SFI1: variants seen among roughly 807,000 people sequenced by gnomAD.
SFI1 encodes protein SFI1 homolog.
A neutral mutation model predicts 207.5 loss-of-function variants in SFI1; 195 were observed. The ratio of observed to expected loss-of-function variants is 0.94; its 90% CI spans 0.84 to 1.06. SFI1 has a LOEUF of 1.06. Among genes scored for constraint, SFI1 ranks in the 50% least tolerant of loss-of-function variants. SFI1 has a pLI of 0.00. For missense variants in SFI1, 1,634 were observed against 1,588.0 expected, an observed-to-expected ratio of 1.03 and a Z score of -0.49; for synonymous variants, 630 against 598.9, an observed-to-expected ratio of 1.05 and a Z score of -0.76.
At chr22:31,554,844 G>T (rs113830352) in intron 6 of SFI1, among the ~76,000 whole-genome samples, 2 of 152,018 alleles carry the variant, frequency 1.3e-5, no homozygotes, top group African/African-American at 4.8e-5. Flanking sequence ...TATATTACAC[G>T]AATTTTAATA....
intron 4 of SFI1, among the ~76,000 whole-genome samples, chr22:31,543,317 A>C (rs558508644): frequency 6.6e-6 from 1 of 152,166 alleles, no homozygotes; most frequent in Admixed American, 6.5e-5. Context: ...TTTTCACCTA[A>C]TCACTTTCTG....
chr22:31,571,697 A>G lies in SFI1; in HGVS notation c.766-1361A>G, dbSNP rs576728102. 4.6e-5 allele frequency among the ~76,000 whole-genome samples: 7 copies of G among 152,282 alleles called. No individual in the cohort carries two copies. The South Asian group carries it at 1.4e-3, about 32-fold the overall frequency. Reference sequence around the variant, plus strand: ...TTTGTCTGAGCTGCTCTAAAATTGTAGACACAAAGTTTATCTTAAAGTGTA... The same window carrying G: ...TTTGTCTGAGCTGCTCTAAAATTGTGGACACAAAGTTTATCTTAAAGTGTA... On this transcript the variant is annotated intron_variant, in intron 8 of 32. Transcript: ENST00000400288.
intron 4 of SFI1, among the ~76,000 whole-genome samples, chr22:31,543,863 T>C: frequency 6.7e-6 from 1 of 149,838 alleles, no homozygotes. Context: ...GAGTGACATG[T>C]TAGTAACCTG....
chr22:31,582,654 A>G (rs2064488658), intron 12 of SFI1, among the ~76,000 whole-genome samples: 2 of 152,072 alleles, frequency 1.3e-5, no homozygotes, highest in African/African-American at 4.8e-5. Context: ...ACATTGTGCA[A>G]TCATCATCAC....
Position 31,573,132 on chromosome 22 carries a change from T to A in SFI1, c.840T>A (p.His280Gln), listed in dbSNP as rs753148949. Reference protein sequence around the residue: ...EKQKVVSAVKHHQHWQKRRFL... With the variant: ...EKQKVVSAVKQHQHWQKRRFL... ...AAAAGGTTGTCTCTGCAGTGAAACATCATCAGCACTGGCAAAAACGGAGAT... is the reference window on the plus strand; with the variant it reads ...AAAAGGTTGTCTCTGCAGTGAAACAACATCAGCACTGGCAAAAACGGAGAT... Residue 280 changes from histidine to glutamine, a missense_variant, in exon 9 of 33, where the codon CAT becomes CAA. Transcript: ENST00000400288. 2 of 1,613,914 alleles carry A rather than the reference T, an allele frequency of 1.2e-6. No individual in the cohort carries two copies. The highest frequency in any genetic ancestry group is 1.7e-6 in the Non-Finnish European group (2 of 1,179,996).
chr22:31,600,344 A>C (rs1263341148), intron 15 of SFI1, among the ~76,000 whole-genome samples: 1 of 152,138 alleles, frequency 6.6e-6, no homozygotes, highest in Non-Finnish European at 1.5e-5. Context: ...ATTTCCCTTC[A>C]GCCTAAAGAT....
At chr22:31,576,765 G>A (rs1205425308) in intron 10 of SFI1, among the ~76,000 whole-genome samples, 2 of 151,414 alleles carry the variant, frequency 1.3e-5, no homozygotes, top group East Asian at 1.9e-4. Flanking sequence ...TCAGCCCCAC[G>A]AGTAGCTGGG....
At chr22:31,591,453 A>G (rs2065894831) in intron 15 of SFI1, among the ~76,000 whole-genome samples, 1 of 152,030 alleles carries the variant, frequency 6.6e-6, no homozygotes, top group Non-Finnish European at 1.5e-5. Flanking sequence ...CGCCATTGTC[A>G]TCCTGGCCCG....
intron 15 of SFI1, among the ~76,000 whole-genome samples, chr22:31,598,129 C>G (rs2067430176): frequency 2.0e-5 from 3 of 151,676 alleles, no homozygotes; most frequent in Non-Finnish European, 2.9e-5. Context: ...AGGTGCCCAC[C>G]ACCACACCCG....
intron 2 of SFI1, among the ~76,000 whole-genome samples, chr22:31,518,711 C>T (rs2024747): frequency 0.084 from 12,705 of 151,836 alleles, 887 homozygotes; most frequent in East Asian, 0.37. Context: ...CCCACCATTC[C>T]CTAACTGATG....
chr22:31,549,750 T>C (rs1425156099), intron 5 of SFI1, among the ~76,000 whole-genome samples: 1 of 151,972 alleles, frequency 6.6e-6, no homozygotes, highest in African/African-American at 2.4e-5. Context: ...CTTTAAGGTA[T>C]AGAGAATGAC....
chr22:31,511,072 TG>T (rs2055427609), intron 2 of SFI1, among the ~76,000 whole-genome samples: 1 of 152,202 alleles, frequency 6.6e-6, no homozygotes, highest in African/African-American at 2.4e-5. Context: ...TAGAATCCAC[TG>T]GGTCTTGGGC....
At chr22:31,592,884 G>T (rs1392771541) in intron 15 of SFI1, among the ~76,000 whole-genome samples, 1 of 128,884 alleles carries the variant, frequency 7.8e-6, no homozygotes, top group African/African-American at 3.3e-5. Flanking sequence ...CCTCCCGGAC[G>T]GGCTGGCTGG....
At chr22:31,525,076 G>A (rs978748531) in intron 2 of SFI1, among the ~76,000 whole-genome samples, 1 of 151,830 alleles carries the variant, frequency 6.6e-6, no homozygotes, top group African/African-American at 2.4e-5. Context: ...TTACAGGCAT[G>A]AGCCACCACG....
At position 31,568,216 on chromosome 22, in the gene SFI1, A is replaced by G. The variant is rs1221822313; in HGVS notation, c.766-4842A>G. 1.8e-3 allele frequency among the ~76,000 whole-genome samples: 226 copies of G among 129,012 alleles called. 1 individual carries two copies. Among genetic ancestry groups the G allele is most frequent in the Middle Eastern group, 0.011 (3 of 268 alleles). 84.6% of individuals were successfully genotyped at this position (129,012 alleles called of 152,430 possible). A position where few individuals can be genotyped will look rare whatever the true frequency, so the allele number is the denominator to read the frequency against. Reference sequence around the variant, plus strand: ...GTGTTGTGTGTGTGTGTGTGTATATATATATATATATTTTTTTTTTTTTAC... The same window carrying G: ...GTGTTGTGTGTGTGTGTGTGTATATGTATATATATATTTTTTTTTTTTTAC... On this transcript the variant is annotated intron_variant, in intron 8 of 32. Coordinates refer to ENST00000400288, the MANE Select transcript of SFI1 (RefSeq NM_001007467.3).
intron 14 of SFI1, among the ~76,000 whole-genome samples, chr22:31,586,775 TC>T (rs1257090883): frequency 6.6e-6 from 1 of 152,176 alleles, no homozygotes. Flanking sequence ...AAACGAGCAC[TC>T]CCCTTGACAC....
At chr22:31,566,120 A>ATTTT (rs59506981) in intron 8 of SFI1, among the ~76,000 whole-genome samples, 4 of 139,506 alleles carry the variant, frequency 2.9e-5, no homozygotes, top group African/African-American at 1.0e-4. Flanking sequence ...TTCTTTTTCT[A>ATTTT]TTTTTTTTTT....
At chr22:31,525,642 G>C (rs2057818456) in intron 2 of SFI1, among the ~76,000 whole-genome samples, 1 of 152,136 alleles carries the variant, frequency 6.6e-6, no homozygotes, top group African/African-American at 2.4e-5. Flanking sequence ...ACCTGAATCT[G>C]GGAGGTCAAG....
intron 11 of SFI1, among the ~76,000 whole-genome samples, chr22:31,578,852 C>T (rs949281958): frequency 6.6e-6 from 1 of 152,176 alleles, no homozygotes; most frequent in African/African-American, 2.4e-5. Flanking sequence ...CATATGTTTT[C>T]AGGAGCCTCT....
Sources: gnomAD v4.1 joint callset for allele counts (sites outside exome capture counted in the v4.1 genomes callset) on GRCh38, gnomAD v4.1.1 for gene constraint, MANE v1.5 for transcripts, NCBI Gene and HGNC (gene_info 2026-07-23, HGNC 2026-07-21) for gene names.